PLA2G4E: variants seen among roughly 807,000 people sequenced by gnomAD.
The protein encoded by PLA2G4E is cytosolic phospholipase A2 epsilon.
Under a neutral mutation model 109.1 loss-of-function variants are expected in PLA2G4E, and 84 were observed. The observed-to-expected ratio is 0.77, with a 90% CI of 0.65 to 0.92. PLA2G4E has a LOEUF of 0.92. PLA2G4E is among the 40% of genes least tolerant of loss of function. PLA2G4E has a pLI of 0.00. For synonymous variants in PLA2G4E, 469 were observed against 436.1 expected (o/e 1.08, Z -0.94); for missense variants, 1,057 against 1,076.6 (o/e 0.98, Z 0.25).
At chr15:41,995,254 A>G (rs899040340) in intron 12 of PLA2G4E, 106 bp downstream of exon 12, 65 of 1,417,598 alleles carry the variant, frequency 4.6e-5, no homozygotes, top group Middle Eastern at 2.2e-4. Flanking sequence ...AGGCTTCAGG[A>G]GTCACTTTGT....
chr15:42,048,242 T>G (rs1889447930), intron 1 of PLA2G4E, among the ~76,000 whole-genome samples: 1 of 152,224 alleles, frequency 6.6e-6, no homozygotes, highest in Admixed American at 6.5e-5. Context: ...AACCTAGGTG[T>G]GTAGTGAGCT....
chr15:41,987,857 C>T (rs1397006813), intron 16 of PLA2G4E, among the ~76,000 whole-genome samples, 192 bp downstream of exon 16: 2 of 151,932 alleles, frequency 1.3e-5, no homozygotes, highest in Non-Finnish European at 2.9e-5. Flanking sequence ...GTCCACACCC[C>T]GCCCCCCATC....
chr15:41,987,353 T>C (rs752922526), exon 17 of PLA2G4E: 5 of 1,613,594 alleles, frequency 3.1e-6, no homozygotes, highest in Non-Finnish European at 2.5e-6. Flanking sequence ...ATTTGGGGAT[T>C]TCAGGCAGGA....
intron 9 of PLA2G4E, 89 bp downstream of exon 9, chr15:41,999,828 C>T (rs2068394776): frequency 7.2e-7 from 1 of 1,392,096 alleles, no homozygotes; most frequent in Admixed American, 2.0e-5. Flanking sequence ...CACATTCTCT[C>T]TTGTACCTCC....
At chr15:41,984,325 C>T in intron 19 of PLA2G4E, 111 bp downstream of exon 19, 1 of 1,220,162 alleles carries the variant, frequency 8.2e-7, no homozygotes, top group Non-Finnish European at 1.1e-6. Flanking sequence ...TTGGCTCAGG[C>T]TGGAGCTGAG....
chr15:42,050,659 A>T, exon 1 of PLA2G4E: 1 of 1,550,518 alleles, frequency 6.4e-7, no homozygotes, highest in East Asian at 2.4e-5. Context: ...GGACAAACAC[A>T]TTAGTTCCCA....
intron 5 of PLA2G4E, 135 bp from the exon 6 acceptor site, chr15:42,002,831 C>T (rs879640185): frequency 6.8e-5 from 59 of 870,390 alleles, no homozygotes; most frequent in Middle Eastern, 2.2e-4. Context: ...ATACTAGCTT[C>T]GGAAACCTTA....
chr15:41,996,700 T>G (rs1003531970), intron 11 of PLA2G4E, among the ~76,000 whole-genome samples: 1 of 152,248 alleles, frequency 6.6e-6, no homozygotes, highest in African/African-American at 2.4e-5. Flanking sequence ...AGCGCTGTTA[T>G]TTCTGGGAGT....
chr15:41,982,421 C>G (rs2068079123), exon 20 of PLA2G4E: 1 of 152,140 alleles, frequency 6.6e-6, no homozygotes, highest in Admixed American at 6.6e-5. Context: ...TGACGGCTAA[C>G]CTAGTCCTTT....
chr15:42,008,738 G>A (rs1185610556), intron 2 of PLA2G4E, among the ~76,000 whole-genome samples: 1 of 152,182 alleles, frequency 6.6e-6, no homozygotes, highest in African/African-American at 2.4e-5. Flanking sequence ...GGCCATGACT[G>A]CCCCTGTCAC....
At chr15:41,989,888 C>A (rs1269551469) in intron 14 of PLA2G4E, among the ~76,000 whole-genome samples, 1 of 152,218 alleles carries the variant, frequency 6.6e-6, no homozygotes, top group Non-Finnish European at 1.5e-5. Flanking sequence ...TTTGTCTTCC[C>A]CAGTGTCATT....
At chr15:41,990,863 C>A (rs964977061) in intron 13 of PLA2G4E, among the ~76,000 whole-genome samples, 2 of 151,544 alleles carry the variant, frequency 1.3e-5, no homozygotes, top group Non-Finnish European at 2.9e-5. Context: ...CAGTCCACCT[C>A]CCAAAGTGAA....
intron 3 of PLA2G4E, among the ~76,000 whole-genome samples, chr15:42,006,620 G>A (rs993095732): frequency 1.1e-4 from 17 of 152,190 alleles, no homozygotes; most frequent in African/African-American, 4.1e-4. Context: ...TGGGGTATAT[G>A]AACTCTATCC....
chr15:42,034,224 T>C (rs1889168477), intron 1 of PLA2G4E, among the ~76,000 whole-genome samples: 1 of 152,338 alleles, frequency 6.6e-6, no homozygotes, highest in Middle Eastern at 3.4e-3. Context: ...ATCACTTATT[T>C]CTAATTTCCC....
intron 18 of PLA2G4E, 45 bp downstream of exon 18, chr15:41,985,794 A>C (rs1479932082): frequency 6.4e-7 from 1 of 1,573,646 alleles, no homozygotes; most frequent in South Asian, 1.2e-5. Flanking sequence ...GGCCCATCTT[A>C]GGAGAGGCTG....
At chr15:42,041,874 A>C (rs1185571899) in intron 1 of PLA2G4E, among the ~76,000 whole-genome samples, 1 of 152,160 alleles carries the variant, frequency 6.6e-6, no homozygotes, top group African/African-American at 2.4e-5. Context: ...TGCATTCTTT[A>C]GCCTGGGCAA....
chr15:41,995,989 T>C (rs1018720994), intron 11 of PLA2G4E, among the ~76,000 whole-genome samples: 1 of 152,088 alleles, frequency 6.6e-6, no homozygotes, highest in Admixed American at 6.5e-5. Flanking sequence ...GGACTGGTGA[T>C]GTGGGAAGGA....
In PLA2G4E at chr15:42,007,904, A is replaced by G. The variant is rs1489407639; in HGVS notation, c.257-39T>C. 3.2e-6 allele frequency: 5 copies of G among 1,572,840 alleles called. No homozygotes were observed. The African/African-American group carries it at 5.4e-5, about 17-fold the overall frequency. Reference sequence around the variant, plus strand: ...ATAAGTGGAACCAATCCAGGTTCAGAGAGAACATGTGGAGTCAAAAGGGAA... The same window carrying G: ...ATAAGTGGAACCAATCCAGGTTCAGGGAGAACATGTGGAGTCAAAAGGGAA... On this transcript the variant is annotated intron_variant, in intron 2 of 19. Coordinates refer to ENST00000399518, the Ensembl canonical transcript of PLA2G4E.
chr15:42,013,414 G>T (rs2068557114), intron 2 of PLA2G4E, among the ~76,000 whole-genome samples: 1 of 152,224 alleles, frequency 6.6e-6, no homozygotes, highest in Admixed American at 6.5e-5. Flanking sequence ...GCTCTTGGGT[G>T]CAGGCACAGA....
Sources: gnomAD v4.1 joint callset for allele counts (sites outside exome capture counted in the v4.1 genomes callset) on GRCh38, gnomAD v4.1.1 for gene constraint, MANE v1.5 for transcripts, NCBI Gene and HGNC (gene_info 2026-07-23, HGNC 2026-07-21) for gene names.